Variants in SH3D19 observed in about 807,000 individuals in gnomAD.
SH3D19 encodes the protein SH3 domain-containing protein 19.
In SH3D19, 58 loss-of-function variants were observed where a neutral mutation model predicts 112.1. The observed-to-expected ratio is 0.52, with a 90% CI of 0.42 to 0.64. The LOEUF (loss-of-function observed/expected upper bound fraction) is 0.64. SH3D19 is among the 30% of genes least tolerant of loss of function. The pLI, the probability that SH3D19 is intolerant of heterozygous loss-of-function variation, is 0.00. For missense variants in SH3D19, 1,090 were observed against 1,263.4 expected (o/e 0.86, Z 2.08); for synonymous variants, 391 against 448.5 (o/e 0.87, Z 1.62).
chr4:151,162,079 C>T (rs527370809), intron 8 of SH3D19, among the ~76,000 whole-genome samples: 16 of 152,102 alleles, frequency 1.1e-4, no homozygotes, highest in Admixed American at 7.2e-4. Flanking sequence ...TTTGCTTCAC[C>T]TATCAACCCG....
chr4:151,232,629 G>A (rs1769705072), intron 1 of SH3D19, among the ~76,000 whole-genome samples: 1 of 152,258 alleles, frequency 6.6e-6, no homozygotes, highest in South Asian at 2.1e-4. Flanking sequence ...GAGTTTTTAT[G>A]AGGATAAATG....
chr4:151,138,005 TA>T, intron 13 of SH3D19, 143 bp from the exon 14 acceptor site: 1 of 565,118 alleles, frequency 1.8e-6, no homozygotes, highest in Non-Finnish European at 2.7e-6. Context: ...CAAATTGACT[TA>T]AAAAATGCTA....
intron 1 of SH3D19, among the ~76,000 whole-genome samples, chr4:151,245,640 T>C (rs77332682): frequency 0.09 from 13,724 of 152,256 alleles, 758 homozygotes; most frequent in East Asian, 0.21. Flanking sequence ...TCTCACTCTG[T>C]CACCAGGCGG....
chr4:151,261,127 G>A (rs1772346861), intron 1 of SH3D19: 1 of 152,052 alleles, frequency 6.6e-6, no homozygotes, highest in African/African-American at 2.4e-5. Context: ...ATACTACCAG[G>A]AGATGCTCAA....
At chr4:151,166,998 T>C (rs1288574869) in intron 7 of SH3D19, among the ~76,000 whole-genome samples, 3 of 152,162 alleles carry the variant, frequency 2.0e-5, no homozygotes, top group Non-Finnish European at 4.4e-5. Context: ...ATTTTAAGTT[T>C]CTTATCTACC....
chr4:151,142,040 A>G (rs1046758307), intron 12 of SH3D19, among the ~76,000 whole-genome samples: 6 of 152,238 alleles, frequency 3.9e-5, no homozygotes, highest in Admixed American at 2.0e-4. Flanking sequence ...AATTCAGACC[A>G]TACCACTGGG....
At chr4:151,270,946 A>G (rs1773183989) in intron 1 of SH3D19, among the ~76,000 whole-genome samples, 1 of 152,142 alleles carries the variant, frequency 6.6e-6, no homozygotes, top group African/African-American at 2.4e-5. Context: ...TTTTTGAGAC[A>G]GGGTCTCAAC....
At chr4:151,188,737 T>C (rs1379764075) in intron 2 of SH3D19, among the ~76,000 whole-genome samples, 3 of 152,214 alleles carry the variant, frequency 2.0e-5, no homozygotes, top group Middle Eastern at 3.2e-3. Flanking sequence ...GGAAGATGTA[T>C]TGATTGGGGT....
chr4:151,236,086 C>T (rs550808681), intron 1 of SH3D19, among the ~76,000 whole-genome samples: 4 of 152,374 alleles, frequency 2.6e-5, no homozygotes, highest in East Asian at 1.9e-4. Context: ...GAGATGACAA[C>T]GTGCTAGCAG....
At position 151,296,426 on chromosome 4, in the gene SH3D19, G is replaced by A. The variant is rs573701343; in HGVS notation, c.112+28815C>T. Among the ~76,000 whole-genome samples, 147 of 152,286 alleles carry A rather than the reference G, an allele frequency of 9.7e-4. 1 individual carries two copies. The highest frequency in any genetic ancestry group is 3.5e-3 in the African/African-American group (144 of 41,552). ...GATCAATAAACATTTGTGTGGGGGA[G>A]GGAGCCACTCGGAGTTGGCAGGCGG... On this transcript the variant is annotated intron_variant, in intron 1 of 19. Transcript: ENST00000604030.
intron 3 of SH3D19, among the ~76,000 whole-genome samples, chr4:151,186,346 G>A (rs533422358): frequency 3.3e-5 from 5 of 152,306 alleles, no homozygotes; most frequent in East Asian, 1.9e-4. Context: ...GTATAAGCCC[G>A]TCTTTATAGG....
chr4:151,309,617 A>C (rs766283389), intron 1 of SH3D19, among the ~76,000 whole-genome samples: 1 of 152,248 alleles, frequency 6.6e-6, no homozygotes, highest in Admixed American at 6.5e-5. Flanking sequence ...AAAGGTACTC[A>C]TTACTAACCA....
intron 4 of SH3D19, among the ~76,000 whole-genome samples, chr4:151,177,798 G>A (rs962883361): frequency 1.3e-5 from 2 of 152,176 alleles, no homozygotes; most frequent in Non-Finnish European, 1.5e-5. Context: ...ACTTTGATAT[G>A]TGTCTCTGGG....
chr4:151,136,418 T>C (rs937210727), intron 14 of SH3D19, among the ~76,000 whole-genome samples: 14 of 152,150 alleles, frequency 9.2e-5, no homozygotes, highest in African/African-American at 3.1e-4. Context: ...TCCCAAAGTG[T>C]TGGGATTACA....
At chr4:151,257,773 GTGGCGCA>G (rs1368308260) in intron 1 of SH3D19, among the ~76,000 whole-genome samples, 1 of 152,118 alleles carries the variant, frequency 6.6e-6, no homozygotes, top group Non-Finnish European at 1.5e-5. Context: ...GCCAGGTGTG[GTGGCGCA>G]TGCCTGTAGT....
chr4:151,252,154 G>A (rs928208536), intron 1 of SH3D19, among the ~76,000 whole-genome samples: 2 of 152,170 alleles, frequency 1.3e-5, no homozygotes, highest in African/African-American at 4.8e-5. Flanking sequence ...TCTCTTCTGT[G>A]TCATCAATTT....
rs559299361 is a variant in SH3D19 at position 151,239,605 on chromosome 4, C to T, written c.113-13519G>A. ...GGAGGGGTGGGAAGCAATGCAATTA[C>T]GACGACGAAGCATAGGAAGCTACAC... On this transcript the variant is annotated intron_variant, in intron 1 of 19. Transcript: ENST00000604030. Among the ~76,000 whole-genome samples, 10 of 152,150 alleles carry T rather than the reference C, an allele frequency of 6.6e-5. No homozygotes were observed. The East Asian group carries it at 1.5e-3, about 24-fold the overall frequency.
chr4:151,325,402 G>T lies in SH3D19; in HGVS notation c.-50C>A. On this transcript the variant is annotated 5_prime_UTR_variant, in exon 1 of 20. Transcript: ENST00000604030. ...GGGATGGCCAGCGAGCTGCGGCCCC[G>T]GCGCCCCAGAACGCCTGCACCCGGC... is the stretch of plus-strand genomic sequence containing the variant. 1 of 1,028,006 alleles carries T rather than the reference G, an allele frequency of 9.7e-7. No homozygotes were observed. The highest frequency in any genetic ancestry group is 4.8e-5 in the South Asian group (1 of 20,770). The allele number at this position is 1,028,006 out of a possible 1,614,324, so 63.7% of individuals were successfully genotyped here.
chr4:151,295,429 G>A lies in SH3D19; in HGVS notation c.112+29812C>T, dbSNP rs113138754. On this transcript the variant is annotated intron_variant, in intron 1 of 19. Coordinates refer to ENST00000604030, the MANE Select transcript of SH3D19 (RefSeq NM_001378122.1). ...ACATGAGGCTATGTGCTGTCTTACC[G>A]TCCCCTATTCTTTATCTGCACTGTC... is the stretch of plus-strand genomic sequence containing the variant. Among the ~76,000 whole-genome samples the A allele has an allele frequency of 4.1e-3, 617 of 152,262 alleles. 4 individuals carry two copies. The highest frequency in any genetic ancestry group is 0.014 in the African/African-American group (592 of 41,536).
Sources: gnomAD v4.1 joint callset for allele counts (sites outside exome capture counted in the v4.1 genomes callset) on GRCh38, gnomAD v4.1.1 for gene constraint, MANE v1.5 for transcripts, NCBI Gene and HGNC (gene_info 2026-07-23, HGNC 2026-07-21) for gene names.